TAB3: variants seen among roughly 807,000 people sequenced by gnomAD.
The protein encoded by TAB3 is TGF-beta-activated kinase 1 and MAP3K7-binding protein 3.
In TAB3, 18 loss-of-function variants were observed where a neutral mutation model predicts 48.1. That is an observed-to-expected ratio of 0.37 (90% CI 0.26 to 0.55). The LOEUF (loss-of-function observed/expected upper bound fraction) is 0.55, where lower values mean the gene tolerates loss of function less well. TAB3 is among the 20% of genes least tolerant of loss of function. The pLI is 0.78. For synonymous variants in TAB3, 185 were observed against 190.2 expected, an observed-to-expected ratio of 0.97 and a Z score of 0.22; for missense variants, 414 against 549.8, an observed-to-expected ratio of 0.75 and a Z score of 2.47.
chrX:30,855,698 C>CTT, intron 5 of TAB3, 136 bp from the exon 6 acceptor site: 1 of 602,299 alleles, frequency 1.7e-6, no homozygotes, highest in Non-Finnish European at 2.5e-6. Context: ...CCACAAAAAA[C>CTT]TTCATGGTCA....
At chrX:30,859,360 CCACACACA>C (rs137921689) in intron 5 of TAB3, 119 bp downstream of exon 5, 31 of 391,967 alleles carry the variant, frequency 7.9e-5, no homozygotes, top group East Asian at 4.3e-4. Flanking sequence ...AAATCCTGCT[CCACACACA>C]CACACACACA....
rs1276539197 is a variant in TAB3 at position 30,854,477 on chromosome X, T to A, written c.1188A>T (p.Gln396His). 1 of 1,209,564 alleles carries A rather than the reference T, an allele frequency of 8.3e-7. No individual in the cohort carries two copies. Among genetic ancestry groups the A allele is most frequent in the Non-Finnish European group, 1.1e-6 (1 of 895,070 alleles). The change falls in exon 6 of 11, where the codon CAA becomes CAT. Residue 396 changes from glutamine (Q) to histidine (H), a missense_variant. Transcript: ENST00000288422. ...PISNQPSPRN[Q>H]HSLYTATTPP... Reference sequence around the variant, plus strand: ...GCGTGGTGGCTGTGTACAGTGAGTGTTGATTCCGTGGAGATGGTTGATTAC... The same window carrying A: ...GCGTGGTGGCTGTGTACAGTGAGTGATGATTCCGTGGAGATGGTTGATTAC...
chrX:30,882,736 T>C (rs752864887), intron 1 of TAB3, among the ~76,000 whole-genome samples: 5 of 112,112 alleles, frequency 4.5e-5, no homozygotes, highest in African/African-American at 9.7e-5. Flanking sequence ...CAGTGCAACA[T>C]GGTATCCTGG....
intron 4 of TAB3, among the ~76,000 whole-genome samples, chrX:30,860,654 AG>A (rs1319547019): frequency 1.8e-5 from 2 of 111,833 alleles, no homozygotes; most frequent in Non-Finnish European, 3.8e-5. Context: ...TTTAAGACAA[AG>A]GTTTGAAAAA....
intron 1 of TAB3, among the ~76,000 whole-genome samples, chrX:30,881,106 C>T (rs182849338): frequency 6.4e-4 from 71 of 111,024 alleles, no homozygotes; most frequent in Admixed American, 1.1e-3. Flanking sequence ...CTCAAATTCA[C>T]GATGTTGCAT....
intron 1 of TAB3, among the ~76,000 whole-genome samples, chrX:30,879,625 TTAAAG>T (rs1357080222): frequency 9.0e-6 from 1 of 111,184 alleles, no homozygotes; most frequent in Non-Finnish European, 1.9e-5. Context: ...TAGAAAAAAA[TTAAAG>T]TAAACATCAT....
At position 30,859,610 on chromosome X, in the gene TAB3, G is replaced by A; in HGVS notation, c.-22C>T. ...CCATGCCAGAGCAAATGGTGGCCAAGTTTCTCTTAGGAAATGGATGTTAAC... is the reference window on the plus strand; with the variant it reads ...CCATGCCAGAGCAAATGGTGGCCAAATTTCTCTTAGGAAATGGATGTTAAC... On this transcript the variant is annotated 5_prime_UTR_variant, in exon 5 of 11. Coordinates refer to ENST00000288422, the MANE Select transcript of TAB3 (RefSeq NM_152787.5). 1 of 1,107,208 alleles carries A rather than the reference G, an allele frequency of 9.0e-7. No individual in the cohort carries two copies. Among genetic ancestry groups the A allele is most frequent in the South Asian group, 1.9e-5 (1 of 52,358 alleles). The allele number at this position is 1,107,208 out of a possible 1,213,427, so 91.2% of individuals were successfully genotyped here.
intron 2 of TAB3, among the ~76,000 whole-genome samples, chrX:30,868,847 G>A (rs749937601): frequency 9.5e-6 from 1 of 105,628 alleles, no homozygotes; most frequent in Non-Finnish European, 1.9e-5. Flanking sequence ...CCACAGTAGA[G>A]CTAAAATAAC....
intron 2 of TAB3, among the ~76,000 whole-genome samples, chrX:30,869,147 G>A (rs1939595783): frequency 9.2e-6 from 1 of 108,573 alleles, no homozygotes; most frequent in Non-Finnish European, 1.9e-5. Context: ...TGCAACCTCC[G>A]CCTCCTGGGT....
At chrX:30,835,250 T>C (rs1293119265) in intron 9 of TAB3, 1 of 123,483 alleles carries the variant, frequency 8.1e-6, no homozygotes, top group Non-Finnish European at 1.9e-5. Flanking sequence ...ACAGTACAAC[T>C]CATCTTTGGA....
In TAB3 at chrX:30,847,594, A is replaced by G. The variant is rs1461899155; in HGVS notation, c.1711-950T>C. 3.6e-5 allele frequency among the ~76,000 whole-genome samples: 4 copies of G among 110,174 alleles called. No individual in the cohort carries two copies. In the East Asian group the frequency reaches 1.1e-3, roughly 31 times the overall value. On this transcript the variant is annotated intron_variant, in intron 7 of 10. Coordinates refer to ENST00000288422, the MANE Select transcript of TAB3 (RefSeq NM_152787.5). ...CTGAAGCTTTCAGCACGGCCCAGGT[A>G]TTAAATACTAGGGTGATTTTAACTA...
At chrX:30,863,414 T>G (rs1354553253) in intron 4 of TAB3, among the ~76,000 whole-genome samples, 1 of 112,292 alleles carries the variant, frequency 8.9e-6, no homozygotes, top group Admixed American at 9.4e-5. Context: ...GTTTGGATGT[T>G]TGTCCCCTCC....
chrX:30,837,795 T>C (rs1387765573), intron 9 of TAB3, among the ~76,000 whole-genome samples: 1 of 112,726 alleles, frequency 8.9e-6, no homozygotes, highest in African/African-American at 3.2e-5. Flanking sequence ...GGAAGCTTTA[T>C]AGTTTAACTT....
chrX:30,884,243 TAAC>T (rs1014555388), intron 1 of TAB3, among the ~76,000 whole-genome samples: 3 of 111,677 alleles, frequency 2.7e-5, no homozygotes, highest in Admixed American at 9.5e-5. Flanking sequence ...GCTAAAGTAA[TAAC>T]AATAATAGTA....
At chrX:30,845,866 T>G (rs1274484740) in intron 8 of TAB3, 18 of 616,681 alleles carry the variant, frequency 2.9e-5, no homozygotes, top group Non-Finnish European at 8.2e-6. Flanking sequence ...ATAAACAGGT[T>G]TGGGGACAGA....
At chrX:30,846,678 GA>G (rs1938633685) in intron 7 of TAB3, 34 bp from the exon 8 acceptor site, 1 of 983,815 alleles carries the variant, frequency 1.0e-6, no homozygotes, top group African/African-American at 1.9e-5. Flanking sequence ...GCAATTGTGG[GA>G]AAGTCATTAT....
intron 5 of TAB3, among the ~76,000 whole-genome samples, chrX:30,857,054 C>A (rs1163245703): frequency 8.9e-6 from 1 of 111,738 alleles, no homozygotes; most frequent in Admixed American, 9.5e-5. Flanking sequence ...TGTATTAAAA[C>A]TCTATAGATC....
chrX:30,865,545 G>T (rs935448909), intron 4 of TAB3, among the ~76,000 whole-genome samples: 1 of 112,005 alleles, frequency 8.9e-6, no homozygotes, highest in African/African-American at 3.2e-5. Context: ...ACTGTGCTAA[G>T]TGCTTTACCT....
At chrX:30,841,537 C>A (rs917495418) in intron 9 of TAB3, among the ~76,000 whole-genome samples, 9 of 104,105 alleles carry the variant, frequency 8.6e-5, no homozygotes, top group African/African-American at 3.1e-4. Context: ...AAAAAAAAAA[C>A]ACTCTGTAAT....
Sources: gnomAD v4.1 joint callset for allele counts (sites outside exome capture counted in the v4.1 genomes callset) on GRCh38, gnomAD v4.1.1 for gene constraint, MANE v1.5 for transcripts, NCBI Gene and HGNC (gene_info 2026-07-23, HGNC 2026-07-21) for gene names.